Variants in TOMM20 observed in about 807,000 individuals in gnomAD.
TOMM20 encodes the protein translocase of outer mitochondrial membrane 20, also known as mitochondrial import receptor subunit TOM20 homolog.
TOMM20 carries 10 observed loss-of-function variants against 22.1 expected under a neutral mutation model. The ratio of observed to expected loss-of-function variants is 0.45; its 90% CI spans 0.28 to 0.77. TOMM20 has a LOEUF of 0.77. Among genes scored for constraint, TOMM20 ranks in the 30% least tolerant of loss-of-function variants. The pLI is 0.13. For missense variants in TOMM20, 121 were observed against 172.2 expected (o/e 0.70, Z 1.66); for synonymous variants, 55 against 61.4 (o/e 0.90, Z 0.49).
chr1:235,115,647 A>T (rs991311118), intron 3 of TOMM20, among the ~76,000 whole-genome samples: 1 of 152,142 alleles, frequency 6.6e-6, no homozygotes, highest in Non-Finnish European at 1.5e-5. Context: ...AAATAAAAAT[A>T]AAAAAATAAT....
intron 1 of TOMM20, among the ~76,000 whole-genome samples, chr1:235,124,993 G>T (rs183897843): frequency 5.3e-4 from 81 of 152,198 alleles, no homozygotes; most frequent in African/African-American, 1.8e-3. Flanking sequence ...TTTTTAATGT[G>T]TCATTTTATC....
chr1:235,117,126 C>T (rs1385877438), intron 3 of TOMM20, among the ~76,000 whole-genome samples: 2 of 89,182 alleles, frequency 2.2e-5, no homozygotes, highest in Admixed American at 1.8e-4. Context: ...CAGAGCGAGA[C>T]TCCATCTCAA....
Position 235,128,091 on chromosome 1 carries a change from T to C in TOMM20, c.121+504A>G, listed in dbSNP as rs1210024023. Among the ~76,000 whole-genome samples the C allele has an allele frequency of 5.3e-5, 8 of 152,180 alleles. No homozygotes were observed. The East Asian group carries it at 1.5e-3, about 29-fold the overall frequency. On this transcript the variant is annotated intron_variant, in intron 1 of 4. Transcript: ENST00000366607. ...GGGGAGACTGAGGCAGGAGAAGCGC[T>C]TGAACTCGGGAGGCGGAGGTTGCAG...
rs901600866 is a variant in TOMM20, at chr1:235,112,050, T to C, written c.*14A>G. The C allele has an allele frequency of 2.0e-5, 32 of 1,604,766 alleles. No homozygotes were observed. The highest frequency in any genetic ancestry group is 6.7e-5 in the East Asian group (3 of 44,760). ...TATTTTTAACTGAGATTTTATTATG[T>C]TGACATTTGTTTCTCATTCCACATC... On this transcript the variant is annotated 3_prime_UTR_variant, in exon 5 of 5. Transcript: ENST00000366607.
At chr1:235,116,943 G>T (rs973371596) in intron 3 of TOMM20, among the ~76,000 whole-genome samples, 8 of 150,454 alleles carry the variant, frequency 5.3e-5, no homozygotes, top group Non-Finnish European at 1.0e-4. Context: ...AGACCATCCT[G>T]GCTAACATGG....
chr1:235,115,846 C>T (rs1012681871), intron 3 of TOMM20, among the ~76,000 whole-genome samples: 1 of 151,972 alleles, frequency 6.6e-6, no homozygotes, highest in African/African-American at 2.4e-5. Flanking sequence ...GAAAAGCACA[C>T]ACATGTTTAC....
At chr1:235,126,146 T>C (rs1187810438) in intron 1 of TOMM20, among the ~76,000 whole-genome samples, 3 of 151,478 alleles carry the variant, frequency 2.0e-5, no homozygotes, top group Non-Finnish European at 4.4e-5. Context: ...CACACACGTA[T>C]ATTTTGGAGA....
At chr1:235,117,071 C>A (rs537406702) in intron 3 of TOMM20, among the ~76,000 whole-genome samples, 1 of 120,908 alleles carries the variant, frequency 8.3e-6, no homozygotes. Context: ...GGAGGCAGAG[C>A]TTGCAGTGAG....
At chr1:235,115,249 T>C (rs928478986) in intron 3 of TOMM20, among the ~76,000 whole-genome samples, 6 of 152,198 alleles carry the variant, frequency 3.9e-5, no homozygotes, top group African/African-American at 1.2e-4. Flanking sequence ...TTAAATATTT[T>C]AAATTAAGCA....
intron 4 of TOMM20, among the ~76,000 whole-genome samples, chr1:235,112,374 CTG>C (rs933104204): frequency 5.3e-5 from 8 of 152,290 alleles, no homozygotes; most frequent in African/African-American, 1.9e-4. Flanking sequence ...GATGGGGTCT[CTG>C]TAACCCAGGC....
intron 1 of TOMM20, 140 bp downstream of exon 1, chr1:235,128,455 G>GC (rs1558131759): frequency 3.7e-6 from 5 of 1,354,366 alleles, no homozygotes; most frequent in Non-Finnish European, 5.0e-6. Flanking sequence ...GAGCGGCGCA[G>GC]CCAGCGCCAT....
At chr1:235,117,889 T>A (rs1318275323) in intron 3 of TOMM20, among the ~76,000 whole-genome samples, 1 of 152,192 alleles carries the variant, frequency 6.6e-6, no homozygotes, top group East Asian at 1.9e-4. Flanking sequence ...TCCAATTGTG[T>A]AGGTCATTGT....
At chr1:235,124,510 G>A (rs887767692) in intron 1 of TOMM20, among the ~76,000 whole-genome samples, 1 of 152,198 alleles carries the variant, frequency 6.6e-6, no homozygotes, top group South Asian at 2.1e-4. Context: ...ATAGTGTGGA[G>A]AAGTAAAGAT....
chr1:235,112,020 T>A lies in TOMM20; in HGVS notation c.*44A>T, dbSNP rs767074798. 24 of 1,574,736 alleles carry A rather than the reference T, an allele frequency of 1.5e-5. No individual in the cohort carries two copies. Among genetic ancestry groups the A allele is most frequent in the African/African-American group, 1.1e-4 (8 of 73,352 alleles). Reference sequence around the variant, plus strand: ...GAGCTGCTCAACTACCAAGAATTTTTAAAATATTTTTAACTGAGATTTTAT... The same window carrying A: ...GAGCTGCTCAACTACCAAGAATTTTAAAAATATTTTTAACTGAGATTTTAT... On this transcript the variant is annotated 3_prime_UTR_variant, in exon 5 of 5. Transcript: ENST00000366607.
chr1:235,117,178 ACCAGGTG>A (rs979645890), intron 3 of TOMM20, among the ~76,000 whole-genome samples: 1 of 138,860 alleles, frequency 7.2e-6, no homozygotes, highest in African/African-American at 2.7e-5. Context: ...GTAAGAATAG[ACCAGGTG>A]CAGTGGCTCA....
intron 3 of TOMM20, among the ~76,000 whole-genome samples, chr1:235,115,045 A>AT (rs908100532): frequency 6.4e-4 from 93 of 145,632 alleles, no homozygotes; most frequent in Middle Eastern, 3.5e-3. Context: ...AATTTTGCTA[A>AT]TTTTTTTTTT....
intron 3 of TOMM20, among the ~76,000 whole-genome samples, chr1:235,116,949 C>A (rs557915457): frequency 8.0e-5 from 12 of 150,186 alleles, no homozygotes; most frequent in South Asian, 6.3e-4. Context: ...TCCTGGCTAA[C>A]ATGGTGAAAC....
chr1:235,120,972 C>A (rs915924381), intron 2 of TOMM20, among the ~76,000 whole-genome samples: 1 of 151,550 alleles, frequency 6.6e-6, no homozygotes, highest in South Asian at 2.1e-4. Context: ...GAGTCCAAGG[C>A]GGGCAGATCA....
At chr1:235,119,721 T>C in intron 3 of TOMM20, 97 bp downstream of exon 3, 1 of 748,020 alleles carries the variant, frequency 1.3e-6, no homozygotes, top group Non-Finnish European at 2.1e-6. Context: ...GTACCTTTTC[T>C]AACAGCCAAA....
Sources: gnomAD v4.1 joint callset for allele counts (sites outside exome capture counted in the v4.1 genomes callset) on GRCh38, gnomAD v4.1.1 for gene constraint, MANE v1.5 for transcripts, NCBI Gene and HGNC (gene_info 2026-07-23, HGNC 2026-07-21) for gene names.